Variants in KCNC2 observed in about 807,000 individuals in gnomAD.
The protein encoded by KCNC2 is potassium voltage-gated channel subfamily C member 2.
Under a neutral mutation model 44.5 loss-of-function variants are expected in KCNC2, and 21 were observed. That is an observed-to-expected ratio of 0.47 (90% confidence interval 0.33 to 0.68). KCNC2 has a LOEUF of 0.68. Ranked by LOEUF, KCNC2 falls within the 30% of genes least tolerant of loss-of-function variation. KCNC2 has a pLI of 0.01. For missense variants in KCNC2, 589 were observed against 826.2 expected (o/e 0.71, Z 3.52); for synonymous variants, 391 against 339.1 (o/e 1.15, Z -1.68).
rs750297135 is a variant in KCNC2 at position 75,207,861 on chromosome 12, C to A, written c.123G>T (p.Glu41Asp). The change falls in exon 2 of 5, where the codon GAG becomes GAT. Residue 41 changes from glutamate (E) to aspartate (D), a missense_variant. Around this residue, in one of 7 missense-constraint regions of KCNC2, gnomAD observed 148 missense variants for 140.1 expected, o/e 1.06. Transcript: ENST00000549446. The surrounding 1 kb of genome is among the most constrained non-coding windows in gnomAD (Gnocchi z 4.1). ...CCGTGGTCAAGCAGTCGCCTGGGGG[C>A]TCGGAGGAGGCAAGAAGGGCCAGGC... ...GTRLALLASS[E>D]PPGDCLTTAG... The A allele has an allele frequency of 6.2e-7, 1 of 1,611,986 alleles. No homozygotes were observed. Among genetic ancestry groups the A allele is most frequent in the South Asian group, 1.1e-5 (1 of 91,024 alleles).
At chr12:75,177,403 A>G (rs1359029112) in intron 2 of KCNC2, among the ~76,000 whole-genome samples, 3 of 152,014 alleles carry the variant, frequency 2.0e-5, no homozygotes, top group Non-Finnish European at 4.4e-5. Flanking sequence ...CTGAATTGGA[A>G]GGAACTTTTG....
chr12:75,197,692 CT>C (rs1203984996), intron 2 of KCNC2, among the ~76,000 whole-genome samples: 9 of 151,850 alleles, frequency 5.9e-5, no homozygotes. Flanking sequence ...AACTCTGATG[CT>C]TTTTTTCTTT....
intron 2 of KCNC2, among the ~76,000 whole-genome samples, chr12:75,138,044 A>G (rs1889357951): frequency 6.6e-6 from 1 of 152,222 alleles, no homozygotes; most frequent in South Asian, 2.1e-4. Flanking sequence ...ACAGTTACCC[A>G]TGCTGTGGTC....
intron 4 of KCNC2, chr12:75,043,683 A>T: frequency 7.3e-7 from 1 of 1,366,244 alleles, no homozygotes; most frequent in South Asian, 1.8e-5. Flanking sequence ...AGCATACTTA[A>T]GTTTAAATGG....
intron 2 of KCNC2, among the ~76,000 whole-genome samples, chr12:75,199,238 G>A (rs1025162706): frequency 2.0e-5 from 3 of 151,768 alleles, no homozygotes; most frequent in African/African-American, 7.2e-5. Flanking sequence ...AGATATTGTT[G>A]AAGAATGGCA....
At chr12:75,070,814 A>C (rs1475404563) in intron 2 of KCNC2, among the ~76,000 whole-genome samples, 1 of 152,086 alleles carries the variant, frequency 6.6e-6, no homozygotes, top group Non-Finnish European at 1.5e-5. Context: ...TAAAGAGTAC[A>C]AATATTTCGA....
chr12:75,067,349 AC>A, intron 2 of KCNC2, among the ~76,000 whole-genome samples: 1 of 152,358 alleles, frequency 6.6e-6, no homozygotes, highest in African/African-American at 2.4e-5. Flanking sequence ...AATTTTACAA[AC>A]AAGTAGATAG....
At chr12:75,164,845 T>G (rs1223714548) in intron 2 of KCNC2, among the ~76,000 whole-genome samples, 1 of 151,630 alleles carries the variant, frequency 6.6e-6, no homozygotes, top group African/African-American at 2.4e-5. Context: ...AAAATAGAAT[T>G]AAAATTTATT....
intron 2 of KCNC2, among the ~76,000 whole-genome samples, chr12:75,064,205 TA>T (rs1377476202): frequency 6.6e-6 from 1 of 152,090 alleles, no homozygotes; most frequent in Non-Finnish European, 1.5e-5. Flanking sequence ...AAACACTTTT[TA>T]TTAGCTACTT....
chr12:75,150,175 A>G (rs1890292396), intron 2 of KCNC2, among the ~76,000 whole-genome samples: 1 of 151,904 alleles, frequency 6.6e-6, no homozygotes, highest in African/African-American at 2.4e-5. Context: ...TTCCTTTATT[A>G]CAACAAAAAT....
chr12:75,042,383 A>C lies in KCNC2; in HGVS notation c.*722T>G, dbSNP rs1484423446. On this transcript the variant is annotated 3_prime_UTR_variant, in exon 5 of 5. Transcript: ENST00000549446. ...AACCTCTTTGCAGTTATCTGTGTGCAAACAACCAGAGACATTCAGAACTCC... is the reference window on the plus strand; with the variant it reads ...AACCTCTTTGCAGTTATCTGTGTGCCAACAACCAGAGACATTCAGAACTCC... 6.2e-7 allele frequency: 1 copy of C among 1,610,390 alleles called. No homozygotes were observed. The highest frequency in any genetic ancestry group is 2.2e-5 in the East Asian group (1 of 44,736).
At chr12:75,068,910 AG>A (rs1191987133) in intron 2 of KCNC2, among the ~76,000 whole-genome samples, 1 of 152,126 alleles carries the variant, frequency 6.6e-6, no homozygotes, top group Non-Finnish European at 1.5e-5. Context: ...CAAAGTCTTA[AG>A]GGGGGTTACG....
intron 2 of KCNC2, among the ~76,000 whole-genome samples, chr12:75,063,776 G>T (rs999421891): frequency 1.3e-5 from 2 of 152,096 alleles, no homozygotes; most frequent in South Asian, 4.1e-4. Context: ...ATATGCATAT[G>T]AACCAGAGAC....
intron 2 of KCNC2, among the ~76,000 whole-genome samples, chr12:75,055,809 T>A (rs1881682899): frequency 6.6e-6 from 1 of 152,068 alleles, no homozygotes; most frequent in Admixed American, 6.6e-5. Context: ...CATGTCAATT[T>A]ACCTCAATGC....
At chr12:75,153,119 A>G (rs1296111452) in intron 2 of KCNC2, among the ~76,000 whole-genome samples, 1 of 152,054 alleles carries the variant, frequency 6.6e-6, no homozygotes, top group Non-Finnish European at 1.5e-5. Flanking sequence ...AAAAGTCAAC[A>G]CTAAACCATA....
intron 2 of KCNC2, among the ~76,000 whole-genome samples, chr12:75,191,900 T>A (rs1289728398): frequency 6.6e-6 from 1 of 152,160 alleles, no homozygotes; most frequent in African/African-American, 2.4e-5. Flanking sequence ...ACAATGGTTT[T>A]TCCTAAAACA....
At chr12:75,191,016 T>A (rs1378159645) in intron 2 of KCNC2, among the ~76,000 whole-genome samples, 1 of 152,094 alleles carries the variant, frequency 6.6e-6, no homozygotes, top group Non-Finnish European at 1.5e-5. Context: ...TACCTATGAT[T>A]AATGTACTAA....
chr12:75,041,083 G>A lies in KCNC2; in HGVS notation c.*2022C>T. 1 of 1,592,558 alleles carries A rather than the reference G, an allele frequency of 6.3e-7. No homozygotes were observed. Among genetic ancestry groups the A allele is most frequent in the Non-Finnish European group, 8.5e-7 (1 of 1,175,146 alleles). On this transcript the variant is annotated 3_prime_UTR_variant, in exon 5 of 5. Coordinates refer to ENST00000549446, the MANE Select transcript of KCNC2 (RefSeq NM_139137.4). ...GAAGACGCGAGGATCTCTTCCAAGTGCAACCTGGTCACATCAGGGCACATT... is the reference window on the plus strand; with the variant it reads ...GAAGACGCGAGGATCTCTTCCAAGTACAACCTGGTCACATCAGGGCACATT...
chr12:75,112,182 A>G (rs1398939416), intron 2 of KCNC2, among the ~76,000 whole-genome samples: 2 of 151,990 alleles, frequency 1.3e-5, no homozygotes, highest in African/African-American at 4.8e-5. Flanking sequence ...CCAAAAGATT[A>G]CTAACATTTT....
Sources: allele counts gnomAD v4.1 joint callset (sites outside exome capture counted in the v4.1 genomes callset), GRCh38; gene constraint gnomAD v4.1.1; regional missense constraint gnomAD v4.1.1; non-coding constraint Gnocchi (gnomAD v3.1); transcripts MANE v1.5; gene names NCBI Gene and HGNC (gene_info 2026-07-23, HGNC 2026-07-21).